Variants in FAM171A1 observed in about 807,000 individuals in gnomAD.
FAM171A1 encodes family with sequence similarity 171 member A1, also known as protein FAM171A1.
A neutral mutation model predicts 74.9 loss-of-function variants in FAM171A1; 23 were observed. That is an observed-to-expected ratio of 0.31 (90% confidence interval 0.22 to 0.44). FAM171A1 has a LOEUF of 0.44. FAM171A1 is among the 20% of genes least tolerant of loss of function. FAM171A1 has a pLI of 1.00. For missense variants in FAM171A1, 1,162 were observed against 1,159.2 expected, an observed-to-expected ratio of 1.00 and a Z score of -0.03; for synonymous variants, 527 against 505.7, an observed-to-expected ratio of 1.04 and a Z score of -0.57.
At chr10:15,262,065 T>C (rs753205040) in intron 3 of FAM171A1, among the ~76,000 whole-genome samples, 22 of 152,178 alleles carry the variant, frequency 1.4e-4, no homozygotes, top group Non-Finnish European at 2.6e-4. Context: ...CGGTGAGTTA[T>C]GATTGCACTA....
At chr10:15,370,683 G>C (rs1000774053) in intron 1 of FAM171A1, among the ~76,000 whole-genome samples, 2 of 151,490 alleles carry the variant, frequency 1.3e-5, no homozygotes, top group Non-Finnish European at 3.0e-5. Flanking sequence ...CCGCCGCAGC[G>C]GCGACAGCAG....
chr10:15,373,403 C>T (rs1475268328), upstream of FAM171A1, among the ~76,000 whole-genome samples: 1 of 152,130 alleles, frequency 6.6e-6, no homozygotes, highest in Non-Finnish European at 1.5e-5. Flanking sequence ...ATGAACAAAC[C>T]GAGGCTTGGT....
chr10:15,317,218 AG>A (rs1398676683), intron 1 of FAM171A1, among the ~76,000 whole-genome samples: 2 of 152,154 alleles, frequency 1.3e-5, no homozygotes, highest in Non-Finnish European at 2.9e-5. Context: ...AGGCAAGGCC[AG>A]GAAGTCATGA....
intron 5 of FAM171A1, among the ~76,000 whole-genome samples, chr10:15,236,006 T>G (rs568485820): frequency 6.6e-5 from 10 of 152,160 alleles, no homozygotes; most frequent in Non-Finnish European, 1.5e-4. Flanking sequence ...CACATTAGGC[T>G]CACACACTAG....
At chr10:15,345,506 AC>A (rs1274781565) in intron 1 of FAM171A1, among the ~76,000 whole-genome samples, 1 of 152,206 alleles carries the variant, frequency 6.6e-6, no homozygotes, top group Admixed American at 6.5e-5. Flanking sequence ...TAGAAGAGTG[AC>A]CTGTATAAAG....
At chr10:15,350,698 G>A (rs1835867505) in intron 1 of FAM171A1, among the ~76,000 whole-genome samples, 1 of 150,996 alleles carries the variant, frequency 6.6e-6, no homozygotes, top group South Asian at 2.1e-4. Flanking sequence ...GAGTGCAGTG[G>A]TGCCATCTTG....
intron 3 of FAM171A1, 84 bp downstream of exon 3, chr10:15,275,766 AACATC>A: frequency 6.0e-6 from 5 of 835,706 alleles, no homozygotes; most frequent in Non-Finnish European, 9.2e-6. Flanking sequence ...CTTGTATACA[AACATC>A]ACATCACATT....
rs543754720 is a variant in FAM171A1, at chr10:15,254,549, C to T, written c.577+172G>A. Among the ~76,000 whole-genome samples, 6 of 152,310 alleles carry T rather than the reference C, an allele frequency of 3.9e-5. No individual in the cohort carries two copies. In the South Asian group the frequency reaches 6.2e-4, roughly 16 times the overall value. Reference sequence around the variant, plus strand: ...TGCTAACATGTAATTCTGCAGGGCTCGTACCGACGTAACACAGTTTCAAAG... The same window carrying T: ...TGCTAACATGTAATTCTGCAGGGCTTGTACCGACGTAACACAGTTTCAAAG... On this transcript the variant is annotated intron_variant, in intron 4 of 7. Coordinates refer to ENST00000378116, the MANE Select transcript of FAM171A1 (RefSeq NM_001010924.2).
At chr10:15,323,231 G>A (rs1476732726) in intron 1 of FAM171A1, among the ~76,000 whole-genome samples, 2 of 151,356 alleles carry the variant, frequency 1.3e-5, no homozygotes, top group Non-Finnish European at 2.9e-5. Context: ...GAGGCAGGTG[G>A]ATCAGTAGGT....
intron 7 of FAM171A1, among the ~76,000 whole-genome samples, chr10:15,215,040 G>T (rs1833950473): frequency 6.6e-6 from 1 of 152,082 alleles, no homozygotes; most frequent in Non-Finnish European, 1.5e-5. Context: ...AGGCCTCCAT[G>T]CCTGGCCCTT....
At chr10:15,245,226 CA>C (rs1008025444) in intron 5 of FAM171A1, among the ~76,000 whole-genome samples, 1 of 152,108 alleles carries the variant, frequency 6.6e-6, no homozygotes, top group Non-Finnish European at 1.5e-5. Context: ...CCACCACGCC[CA>C]GCTAATTTTT....
chr10:15,332,372 A>G (rs1835649365), intron 1 of FAM171A1, among the ~76,000 whole-genome samples: 1 of 152,138 alleles, frequency 6.6e-6, no homozygotes, highest in Non-Finnish European at 1.5e-5. Flanking sequence ...GTTTACTTGG[A>G]CTTTGAGAAA....
In FAM171A1 at chr10:15,287,382, G is replaced by A. The variant is rs530266783; in HGVS notation, c.98-3277C>T. ...GCTGTGATTACAGGTGTGACCCACC[G>A]CGCCGGCCTCTTTTTTTTTTTTTTT... On this transcript the variant is annotated intron_variant, in intron 1 of 7. Coordinates refer to ENST00000378116, the MANE Select transcript of FAM171A1 (RefSeq NM_001010924.2). Among the ~76,000 whole-genome samples the A allele has an allele frequency of 2.4e-3, 361 of 148,002 alleles. 3 individuals carry two copies. The highest frequency in any genetic ancestry group is 8.5e-3 in the African/African-American group (343 of 40,272).
chr10:15,281,838 G>A (rs1489369954), intron 2 of FAM171A1, among the ~76,000 whole-genome samples: 2 of 152,094 alleles, frequency 1.3e-5, no homozygotes, highest in East Asian at 3.8e-4. Flanking sequence ...TCTAGCCTTG[G>A]CCACAGAATG....
intron 1 of FAM171A1, among the ~76,000 whole-genome samples, chr10:15,343,753 G>A (rs534984915): frequency 3.9e-5 from 6 of 152,104 alleles, no homozygotes; most frequent in Non-Finnish European, 8.8e-5. Context: ...CGTCCAGGAG[G>A]GGGGCTGGGA....
chr10:15,299,497 G>GTT (rs45525237), intron 1 of FAM171A1, among the ~76,000 whole-genome samples: 48,729 of 150,466 alleles, frequency 0.32, 9,604 homozygotes, highest in East Asian at 0.78. Flanking sequence ...TGTTTTTTTT[G>GTT]TTTTTTTGTC....
At chr10:15,319,388 G>A (rs768577144) in intron 1 of FAM171A1, among the ~76,000 whole-genome samples, 11 of 152,142 alleles carry the variant, frequency 7.2e-5, no homozygotes, top group Non-Finnish European at 1.3e-4. Context: ...GGGAAGGATG[G>A]GATGGGGGTG....
intron 6 of FAM171A1, among the ~76,000 whole-genome samples, chr10:15,219,875 C>T (rs563244764): frequency 1.3e-5 from 2 of 152,296 alleles, no homozygotes; most frequent in Admixed American, 1.3e-4. Context: ...CCACCGCGCC[C>T]GGCTAAGGGA....
In FAM171A1 at chr10:15,254,733, C is replaced by T. The variant is rs867801908; in HGVS notation, c.565G>A (p.Gly189Arg). 19 of 1,613,894 alleles carry T rather than the reference C, an allele frequency of 1.2e-5. No individual in the cohort carries two copies. In the East Asian group the frequency reaches 2.0e-4, roughly 17 times the overall value. ...DSFPYLRGLD[G>R]NGTGNSTRHD... ...AGACTCCAATTACCTGTTCCATTTC[C>T]GTCTAATCCTCGCAAATAAGGAAAA... The change falls in exon 4 of 8, where the codon GGA becomes AGA. Residue 189 changes from glycine to arginine, a missense_variant. Physicochemically the swap from Gly to Arg is moderately radical, Grantham distance 125 (BLOSUM62 -2). Coordinates refer to ENST00000378116, the MANE Select transcript of FAM171A1 (RefSeq NM_001010924.2).
Sources: allele counts gnomAD v4.1 joint callset (sites outside exome capture counted in the v4.1 genomes callset), GRCh38; gene constraint gnomAD v4.1.1; transcripts MANE v1.5; gene names NCBI Gene and HGNC (gene_info 2026-07-23, HGNC 2026-07-21).